Variants in NR4A3 observed in about 807,000 individuals in gnomAD.
The protein encoded by NR4A3 is nuclear receptor subfamily 4 group A member 3.
Under a neutral mutation model 55.6 loss-of-function variants are expected in NR4A3, and 13 were observed. That is an observed-to-expected ratio of 0.23 (90% CI 0.15 to 0.37). The LOEUF (loss-of-function observed/expected upper bound fraction) is 0.37. Ranked by LOEUF, NR4A3 falls within the 10% of genes least tolerant of loss-of-function variation. NR4A3 has a pLI of 1.00. For synonymous variants in NR4A3, 342 were observed against 357.9 expected, an observed-to-expected ratio of 0.96 and a Z score of 0.50; for missense variants, 646 against 822.8, an observed-to-expected ratio of 0.79 and a Z score of 2.63.
chr9:99,858,363 A>G (rs771134569), intron 7 of NR4A3, among the ~76,000 whole-genome samples: 2 of 152,088 alleles, frequency 1.3e-5, no homozygotes, highest in Non-Finnish European at 2.9e-5. Flanking sequence ...CTACCTCGCA[A>G]CCCCTCCCTC....
At chr9:99,847,152 C>A (rs927994153) in intron 6 of NR4A3, among the ~76,000 whole-genome samples, 1 of 152,216 alleles carries the variant, frequency 6.6e-6, no homozygotes, top group Non-Finnish European at 1.5e-5. Context: ...TTTCCTGTCC[C>A]AAGGAAAGCC....
At chr9:99,823,407 T>C (rs1167461616) in intron 1 of NR4A3, among the ~76,000 whole-genome samples, 1 of 152,062 alleles carries the variant, frequency 6.6e-6, no homozygotes, top group Non-Finnish European at 1.5e-5. Flanking sequence ...GATTGCCTTT[T>C]ATTTATTTAT....
chr9:99,852,051 T>C (rs1827857813), intron 7 of NR4A3, among the ~76,000 whole-genome samples: 1 of 152,196 alleles, frequency 6.6e-6, no homozygotes, highest in East Asian at 1.9e-4. Flanking sequence ...TGATTAGTGC[T>C]CAGGCCCTGA....
At chr9:99,836,527 A>C (rs1255187268) in intron 5 of NR4A3, among the ~76,000 whole-genome samples, 2 of 152,182 alleles carry the variant, frequency 1.3e-5, no homozygotes, top group East Asian at 3.9e-4. Flanking sequence ...TGTTTCTGGG[A>C]ACTTGTAATG....
intron 5 of NR4A3, 150 bp downstream of exon 5, chr9:99,833,604 T>G: frequency 6.2e-7 from 1 of 1,600,612 alleles, no homozygotes; most frequent in Non-Finnish European, 8.5e-7. Context: ...ATTTAGCAAT[T>G]CAGTGCATCC....
At chr9:99,831,868 C>T (rs970899113) in intron 3 of NR4A3, among the ~76,000 whole-genome samples, 3 of 152,074 alleles carry the variant, frequency 2.0e-5, no homozygotes, top group African/African-American at 7.2e-5. Flanking sequence ...TTTTTCTATC[C>T]AACCTTAAGT....
At chr9:99,852,392 T>G (rs539379107) in intron 7 of NR4A3, among the ~76,000 whole-genome samples, 7 of 152,324 alleles carry the variant, frequency 4.6e-5, no homozygotes, top group African/African-American at 1.7e-4. Context: ...ATGAATCCAC[T>G]GTAGGTCATG....
intron 7 of NR4A3, among the ~76,000 whole-genome samples, chr9:99,861,532 G>A (rs1460868979): frequency 6.6e-6 from 1 of 151,996 alleles, no homozygotes; most frequent in African/African-American, 2.4e-5. Context: ...AAGGAAGGGA[G>A]GGAGGGAAGG....
chr9:99,864,888 G>C lies in NR4A3; in HGVS notation c.*1021G>C, dbSNP rs911466784. 1.4e-4 allele frequency: 30 copies of C among 214,966 alleles called. No individual in the cohort carries two copies. The highest frequency in any genetic ancestry group is 2.4e-4 in the Non-Finnish European group (26 of 106,396). 13.3% of individuals were successfully genotyped at this position (214,966 alleles called of 1,614,324 possible). On this transcript the variant is annotated 3_prime_UTR_variant, in exon 8 of 8. Coordinates refer to ENST00000395097, the MANE Select transcript of NR4A3 (RefSeq NM_006981.4). Reference sequence around the variant, plus strand: ...AAATCAGCAGGAACTGGTCATACAGGGTAAGCACCAGGGACAATAAGGATT... The same window carrying C: ...AAATCAGCAGGAACTGGTCATACAGCGTAAGCACCAGGGACAATAAGGATT...
intron 1 of NR4A3, among the ~76,000 whole-genome samples, chr9:99,823,858 G>C (rs1827234678): frequency 6.6e-6 from 1 of 151,320 alleles, no homozygotes; most frequent in Non-Finnish European, 1.5e-5. Context: ...CTTTCTGTCA[G>C]TCTCTCCCTC....
intron 7 of NR4A3, among the ~76,000 whole-genome samples, chr9:99,853,171 A>C (rs1431845231): frequency 6.6e-6 from 1 of 152,080 alleles, no homozygotes; most frequent in Non-Finnish European, 1.5e-5. Context: ...GAATGAACTA[A>C]TATGTACTAT....
rs1347621385 is a variant in NR4A3 at position 99,825,467 on chromosome 9, G to C, written c.-176-192G>C. Among the ~76,000 whole-genome samples, 2 of 152,154 alleles carry C rather than the reference G, an allele frequency of 1.3e-5. No homozygotes were observed. The highest frequency in any genetic ancestry group is 2.9e-5 in the Non-Finnish European group (2 of 68,024). ...ACCTTTCCTCGGCTTCCCCGAGGCC[G>C]TGTGATGCTTCTTGCCCAGGGGGAC... On this transcript the variant is annotated intron_variant, in intron 1 of 7. Transcript: ENST00000395097. This position sits in a 1 kb window ranked among gnomAD's most constrained non-coding sequence, Gnocchi z 5.0.
At chr9:99,832,576 C>G (rs1348034842) in intron 3 of NR4A3, 113 bp from the exon 4 acceptor site, 3 of 861,408 alleles carry the variant, frequency 3.5e-6, no homozygotes, top group Admixed American at 3.5e-5. Context: ...TTAAATTTAT[C>G]GAATTATACG....
In NR4A3 at chr9:99,863,789, C is replaced by A. The variant is rs1258519977; in HGVS notation, c.1803C>A (p.Ile601=). 2.5e-6 allele frequency: 4 copies of A among 1,613,982 alleles called. No homozygotes were observed. In the African/African-American group the frequency reaches 5.3e-5, roughly 22 times the overall value. The change falls in exon 8 of 8, where the codon ATC becomes ATA. Residue 601 remains isoleucine (I), a synonymous_variant. Transcript: ENST00000395097. ...RKICTLGLQR[I]FYLKLEDLVS... ...TCTGCACCCTGGGCCTCCAGCGCATCTTCTACCTGAAGCTGGAAGACTTGG... is the reference window on the plus strand; with the variant it reads ...TCTGCACCCTGGGCCTCCAGCGCATATTCTACCTGAAGCTGGAAGACTTGG...
chr9:99,866,319 A>G lies in NR4A3; in HGVS notation c.*2452A>G, dbSNP rs1308424285. 3 of 221,900 alleles carry G rather than the reference A, an allele frequency of 1.4e-5. No individual in the cohort carries two copies. In the East Asian group the frequency reaches 2.0e-4, roughly 15 times the overall value. 13.7% of individuals were successfully genotyped at this position (221,900 alleles called of 1,614,324 possible). On this transcript the variant is annotated 3_prime_UTR_variant, in exon 8 of 8. Coordinates refer to ENST00000395097, the MANE Select transcript of NR4A3 (RefSeq NM_006981.4). ...GTTTTTGTCGTGTCTATAAAGGAAG[A>G]ACAAAACAAAATAAAAACAGAGCCC...
At chr9:99,855,139 G>T (rs944113438) in intron 7 of NR4A3, among the ~76,000 whole-genome samples, 3 of 151,592 alleles carry the variant, frequency 2.0e-5, no homozygotes, top group African/African-American at 4.8e-5. Flanking sequence ...TTTGTCTGTT[G>T]TTGGTGTATA....
intron 7 of NR4A3, among the ~76,000 whole-genome samples, chr9:99,853,108 C>A (rs867672058): frequency 6.6e-6 from 1 of 152,112 alleles, no homozygotes; most frequent in South Asian, 2.1e-4. Flanking sequence ...ATCTCAATTT[C>A]CTTCCTTCTC....
intron 7 of NR4A3, among the ~76,000 whole-genome samples, chr9:99,848,955 C>G (rs1182732556): frequency 6.6e-6 from 1 of 152,168 alleles, no homozygotes; most frequent in Non-Finnish European, 1.5e-5. Flanking sequence ...CATCCTTGAC[C>G]TTTTGGTCAG....
At chr9:99,834,000 G>C (rs1827503484) in intron 5 of NR4A3, 4 of 1,119,978 alleles carry the variant, frequency 3.6e-6, no homozygotes, top group Non-Finnish European at 2.2e-6. Flanking sequence ...GTGTCACCTG[G>C]TTCCTGCTTT....
Sources: allele counts gnomAD v4.1 joint callset (sites outside exome capture counted in the v4.1 genomes callset), GRCh38; gene constraint gnomAD v4.1.1; non-coding constraint Gnocchi (gnomAD v3.1); transcripts MANE v1.5; gene names NCBI Gene and HGNC (gene_info 2026-07-23, HGNC 2026-07-21).